Variants in SSH2 observed in about 807,000 individuals in gnomAD.
The protein encoded by SSH2 is protein phosphatase Slingshot homolog 2.
In SSH2, 37 loss-of-function variants were observed where a neutral mutation model predicts 135.2. The observed-to-expected ratio is 0.27, with a 90% CI of 0.21 to 0.36. The LOEUF is 0.36. SSH2 is among the 10% of genes least tolerant of loss of function. The probability of loss-of-function intolerance (pLI) is 1.00; values close to 1 mark genes in which losing one functional copy is unlikely to be tolerated. For missense variants in SSH2, 1,408 were observed against 1,765.3 expected, an observed-to-expected ratio of 0.80 and a Z score of 3.63; for synonymous variants, 628 against 646.2, an observed-to-expected ratio of 0.97 and a Z score of 0.43.
At chr17:29,784,328 TG>T (rs1366030386) in intron 3 of SSH2, among the ~76,000 whole-genome samples, 1 of 150,922 alleles carries the variant, frequency 6.6e-6, no homozygotes, top group East Asian at 1.9e-4. Flanking sequence ...GAGGTTGCAA[TG>T]AGCCAAGATT....
At chr17:29,806,400 G>T (rs894234263) in intron 2 of SSH2, among the ~76,000 whole-genome samples, 2 of 152,152 alleles carry the variant, frequency 1.3e-5, no homozygotes, top group Non-Finnish European at 2.9e-5. Context: ...TACCAGAACA[G>T]GTTGCTCCTC....
In SSH2 at chr17:29,860,584, A is replaced by G. The variant is rs1435330184; in HGVS notation, c.64-11655T>C. ...GCCACCGCGATTACAGGAGGGTCCC[A>G]CCATGCCCAGCTAATTTTTGTATTT... On this transcript the variant is annotated intron_variant, in intron 1 of 15. Coordinates refer to ENST00000540801, the MANE Select transcript of SSH2 (RefSeq NM_001282129.2). Among the ~76,000 whole-genome samples the G allele has an allele frequency of 8.0e-4, 121 of 151,422 alleles. 3 individuals are homozygous for G. Among genetic ancestry groups the G allele is most frequent in the Admixed American group, 7.8e-3 (118 of 15,196 alleles).
At chr17:29,877,821 G>A (rs1161590606) in intron 1 of SSH2, among the ~76,000 whole-genome samples, 1 of 152,018 alleles carries the variant, frequency 6.6e-6, no homozygotes, top group East Asian at 1.9e-4. Context: ...GAGCAGGATG[G>A]TTCACATCTG....
chr17:29,803,443 T>C (rs527514115), intron 2 of SSH2, among the ~76,000 whole-genome samples: 2 of 152,308 alleles, frequency 1.3e-5, no homozygotes, highest in Non-Finnish European at 2.9e-5. Context: ...ATCTTGGGCT[T>C]CCTCAAAGCA....
At chr17:29,656,064 A>G (rs992569088) in intron 11 of SSH2, among the ~76,000 whole-genome samples, 3 of 152,220 alleles carry the variant, frequency 2.0e-5, no homozygotes, top group African/African-American at 7.2e-5. Context: ...ATGGAAACCC[A>G]CGCACCTTGC....
At chr17:29,804,420 A>G (rs963708485) in intron 2 of SSH2, among the ~76,000 whole-genome samples, 1 of 152,076 alleles carries the variant, frequency 6.6e-6, no homozygotes, top group African/African-American at 2.4e-5. Flanking sequence ...GATTCTAAAG[A>G]AAAAAAAGTC....
intron 3 of SSH2, among the ~76,000 whole-genome samples, chr17:29,735,542 C>A (rs2040334770): frequency 6.6e-6 from 1 of 151,632 alleles, no homozygotes; most frequent in East Asian, 1.9e-4. Flanking sequence ...ACTAAAAATA[C>A]AAAAATTAGC....
intron 1 of SSH2, among the ~76,000 whole-genome samples, chr17:29,891,675 A>G (rs1425616284): frequency 6.6e-6 from 1 of 152,204 alleles, no homozygotes; most frequent in African/African-American, 2.4e-5. Context: ...CAGACTTCTC[A>G]TTTGACCAAA....
At chr17:29,651,880 C>A (rs576854968) in intron 12 of SSH2, among the ~76,000 whole-genome samples, 1 of 152,220 alleles carries the variant, frequency 6.6e-6, no homozygotes, top group African/African-American at 2.4e-5. Flanking sequence ...CAGTGGCTCA[C>A]GCCTGTAATC....
intron 3 of SSH2, among the ~76,000 whole-genome samples, chr17:29,731,426 TTTATTTATTTATTTATTTA>T (rs1567925273): frequency 8.9e-4 from 80 of 89,602 alleles, no homozygotes; most frequent in African/African-American, 3.1e-3. Context: ...TTTTTATTTA[TTTATTTATTTATTTATTTA>T]TTTATTTATT....
intron 1 of SSH2, among the ~76,000 whole-genome samples, chr17:29,871,020 T>C (rs899984063): frequency 1.3e-5 from 2 of 152,184 alleles, no homozygotes; most frequent in African/African-American, 4.8e-5. Flanking sequence ...ACTAAGACTT[T>C]TTGAAGTTGT....
chr17:29,860,357 T>C (rs180965966), intron 1 of SSH2, among the ~76,000 whole-genome samples: 16 of 152,232 alleles, frequency 1.1e-4, no homozygotes, highest in Admixed American at 5.9e-4. Context: ...TAATGATCAG[T>C]GATGTTGAGC....
chr17:29,676,731 A>G, intron 8 of SSH2, 89 bp downstream of exon 8: 2 of 1,070,642 alleles, frequency 1.9e-6, no homozygotes, highest in Non-Finnish European at 2.8e-6. Context: ...GCATTTTCAT[A>G]GCAAACTGTA....
At chr17:29,761,606 G>A (rs944917471) in intron 3 of SSH2, among the ~76,000 whole-genome samples, 3 of 152,154 alleles carry the variant, frequency 2.0e-5, no homozygotes. Flanking sequence ...AGACACTGCT[G>A]CCTCGGTAAG....
At chr17:29,741,345 C>G (rs1230772732) in intron 3 of SSH2, among the ~76,000 whole-genome samples, 1 of 152,142 alleles carries the variant, frequency 6.6e-6, no homozygotes, top group African/African-American at 2.4e-5. Flanking sequence ...CCAGAATTGA[C>G]CCTTAGGATA....
At chr17:29,764,064 C>G (rs2041388118) in intron 3 of SSH2, among the ~76,000 whole-genome samples, 1 of 151,790 alleles carries the variant, frequency 6.6e-6, no homozygotes, top group African/African-American at 2.4e-5. Flanking sequence ...ATTCTCGTGC[C>G]TCGGCTTCCT....
chr17:29,630,949 C>T lies in SSH2; in HGVS notation c.4245G>A (p.Gly1415=). The part of the protein sequence containing the change: ...QGLQCACPAP[G]LAVAPRQQHG... ...GTTGCTGACGGGGTGCCACGGCCAGCCCTGGAGCTGGGCATGCACACTGCA... is the reference window on the plus strand; with the variant it reads ...GTTGCTGACGGGGTGCCACGGCCAGTCCTGGAGCTGGGCATGCACACTGCA... The change falls in exon 16 of 16, where the codon GGG becomes GGA. Residue 1415 remains glycine, a synonymous_variant. Transcript: ENST00000540801. 6.2e-7 allele frequency: 1 copy of T among 1,610,814 alleles called. No individual in the cohort carries two copies. The highest frequency in any genetic ancestry group is 8.5e-7 in the Non-Finnish European group (1 of 1,177,188).
intron 2 of SSH2, among the ~76,000 whole-genome samples, chr17:29,848,382 TA>T (rs772922175): frequency 2.0e-5 from 3 of 152,178 alleles, no homozygotes; most frequent in Non-Finnish European, 4.4e-5. Context: ...GTCCAGTGAT[TA>T]TAACACTATT....
intron 9 of SSH2, among the ~76,000 whole-genome samples, chr17:29,671,236 C>T (rs1054762388): frequency 1.3e-5 from 2 of 152,112 alleles, no homozygotes; most frequent in African/African-American, 4.8e-5. Context: ...AATCCCAGCA[C>T]TTTGGTAGGC....
Sources: gnomAD v4.1 joint callset for allele counts (sites outside exome capture counted in the v4.1 genomes callset) on GRCh38, gnomAD v4.1.1 for gene constraint, MANE v1.5 for transcripts, NCBI Gene and HGNC (gene_info 2026-07-23, HGNC 2026-07-21) for gene names.